Variants in RAB3IP observed in about 807,000 individuals in gnomAD.
RAB3IP encodes the protein RAB3A interacting protein.
A neutral mutation model predicts 59.1 loss-of-function variants in RAB3IP; 36 were observed. That is an observed-to-expected ratio of 0.61 (90% CI 0.47 to 0.80). The LOEUF is 0.80. Ranked by LOEUF, RAB3IP falls within the 30% of genes least tolerant of loss-of-function variation. The pLI is 0.00. For synonymous variants in RAB3IP, 207 were observed against 191.2 expected, an observed-to-expected ratio of 1.08 and a Z score of -0.68; for missense variants, 511 against 536.0, an observed-to-expected ratio of 0.95 and a Z score of 0.46.
chr12:69,765,088 G>A (rs1871973873), intron 3 of RAB3IP, among the ~76,000 whole-genome samples: 4 of 152,204 alleles, frequency 2.6e-5, no homozygotes. Flanking sequence ...GTCTGTAGGA[G>A]AGGTAATTTG....
intron 1 of RAB3IP, 38 bp downstream of exon 1, chr12:69,739,069 G>C (rs973856203): frequency 2.6e-5 from 4 of 152,030 alleles, no homozygotes. Flanking sequence ...CCGGAGCGTA[G>C]AGCACCGCCC....
At chr12:69,752,664 A>C (rs1801665791) in intron 1 of RAB3IP, among the ~76,000 whole-genome samples, 2 of 152,182 alleles carry the variant, frequency 1.3e-5, no homozygotes, top group East Asian at 1.9e-4. Flanking sequence ...CAGAAATGCA[A>C]ATGCTTTTAC....
chr12:69,745,638 T>G (rs1868306578), intron 1 of RAB3IP, among the ~76,000 whole-genome samples: 1 of 152,174 alleles, frequency 6.6e-6, no homozygotes, highest in South Asian at 2.1e-4. Context: ...AGATTAAACA[T>G]TATTATTCTG....
chr12:69,811,294 A>T (rs1880417637), intron 8 of RAB3IP, among the ~76,000 whole-genome samples: 1 of 152,162 alleles, frequency 6.6e-6, no homozygotes, highest in South Asian at 2.1e-4. Flanking sequence ...TTCTTCCTGA[A>T]TCACCCAGGG....
intron 8 of RAB3IP, among the ~76,000 whole-genome samples, chr12:69,809,591 G>A (rs1401535418): frequency 1.3e-5 from 2 of 152,146 alleles, no homozygotes; most frequent in East Asian, 1.9e-4. Flanking sequence ...TGCAGGCTTT[G>A]TTCATTTCTT....
At chr12:69,795,774 G>C (rs1343911165) in intron 6 of RAB3IP, 1 of 204,148 alleles carries the variant, frequency 4.9e-6, no homozygotes, top group East Asian at 1.1e-4. Context: ...CAGCAAGGGA[G>C]TCCTAGAGTT....
At chr12:69,769,869 TTAATC>T (rs1872822816) in intron 3 of RAB3IP, among the ~76,000 whole-genome samples, 1 of 152,240 alleles carries the variant, frequency 6.6e-6, no homozygotes, top group African/African-American at 2.4e-5. Flanking sequence ...CAGCTAGACA[TTAATC>T]ATGACATTTA....
At chr12:69,764,127 T>A (rs545314658) in intron 3 of RAB3IP, among the ~76,000 whole-genome samples, 1 of 152,344 alleles carries the variant, frequency 6.6e-6, no homozygotes, top group East Asian at 1.9e-4. Flanking sequence ...ATATACCCAG[T>A]AATGGGATTG....
chr12:69,739,902 G>A (rs1437135249), intron 1 of RAB3IP: 1 of 1,610,166 alleles, frequency 6.2e-7, no homozygotes. Flanking sequence ...CGCTGAGTTA[G>A]TTAGTACTGA....
chr12:69,779,259 C>T (rs1479007911), intron 3 of RAB3IP: 3 of 142,358 alleles, frequency 2.1e-5, no homozygotes, highest in Admixed American at 7.1e-5. Flanking sequence ...GGCAATGCCT[C>T]GCCCTGCTTC....
chr12:69,741,123 A>T (rs139450730), intron 1 of RAB3IP, among the ~76,000 whole-genome samples: 1 of 152,196 alleles, frequency 6.6e-6, no homozygotes, highest in Non-Finnish European at 1.5e-5. Context: ...TTAATAACAT[A>T]CTCCATTAGA....
At chr12:69,757,122 TG>T (rs1337473518) in intron 3 of RAB3IP, among the ~76,000 whole-genome samples, 1 of 152,244 alleles carries the variant, frequency 6.6e-6, no homozygotes, top group Non-Finnish European at 1.5e-5. Context: ...GTTTCCCATT[TG>T]GTCATTTTAA....
chr12:69,767,211 G>T (rs538102683), intron 3 of RAB3IP, among the ~76,000 whole-genome samples: 294 of 152,128 alleles, frequency 1.9e-3, no homozygotes, highest in Non-Finnish European at 3.5e-3. Context: ...TGACTGTAGA[G>T]AATTCTGGGT....
chr12:69,744,148 C>T (rs1372600799), intron 1 of RAB3IP, among the ~76,000 whole-genome samples: 1 of 152,090 alleles, frequency 6.6e-6, no homozygotes, highest in East Asian at 1.9e-4. Flanking sequence ...CCGCCACTCC[C>T]CCACAGGCCC....
intron 3 of RAB3IP, among the ~76,000 whole-genome samples, chr12:69,767,731 A>G (rs1411864978): frequency 2.0e-5 from 3 of 151,930 alleles, no homozygotes; most frequent in Non-Finnish European, 2.9e-5. Context: ...TCAGGCTGCC[A>G]AACCAAGCAT....
intron 1 of RAB3IP, among the ~76,000 whole-genome samples, chr12:69,751,954 C>T (rs1869382615): frequency 6.7e-6 from 1 of 149,734 alleles, no homozygotes. Context: ...TTCACTCTGT[C>T]ATCTCTCCTT....
chr12:69,806,576 T>TTG (rs1879323006), intron 8 of RAB3IP, among the ~76,000 whole-genome samples: 1 of 146,752 alleles, frequency 6.8e-6, no homozygotes, highest in South Asian at 2.2e-4. Flanking sequence ...TCTAGTTTTT[T>TTG]TTTTTTTTTT....
intron 1 of RAB3IP, chr12:69,739,796 AAG>A: frequency 1.2e-6 from 2 of 1,611,930 alleles, no homozygotes; most frequent in Non-Finnish European, 8.5e-7. Flanking sequence ...CTGGCTCCAG[AAG>A]TGATGATGCT....
chr12:69,773,427 A>G (rs1260404734), intron 3 of RAB3IP, among the ~76,000 whole-genome samples: 1 of 32,250 alleles, frequency 3.1e-5, no homozygotes, highest in Non-Finnish European at 6.4e-5. Context: ...TTTTTTTATT[A>G]TACTCTAAGT....
Sources: allele counts gnomAD v4.1 joint callset (sites outside exome capture counted in the v4.1 genomes callset), GRCh38; gene constraint gnomAD v4.1.1; transcripts MANE v1.5; gene names NCBI Gene and HGNC (gene_info 2026-07-23, HGNC 2026-07-21).